UBR4: variants seen among roughly 807,000 people sequenced by gnomAD.
UBR4 encodes ubiquitin protein ligase E3 component n-recognin 4.
In UBR4, 124 loss-of-function variants were observed where a neutral mutation model predicts 575.6. The ratio of observed to expected loss-of-function variants is 0.22; its 90% confidence interval spans 0.19 to 0.25. The LOEUF (loss-of-function observed/expected upper bound fraction) is 0.25, where lower values mean the gene tolerates loss of function less well. Among genes scored for constraint, UBR4 ranks in the 10% least tolerant of loss-of-function variants. The probability of loss-of-function intolerance (pLI) is 1.00; values close to 1 mark genes in which losing one functional copy is unlikely to be tolerated. For missense variants in UBR4, 4,818 were observed against 6,478.8 expected (o/e 0.74, Z 8.80); for synonymous variants, 2,455 against 2,473.7 (o/e 0.99, Z 0.22).
intron 78 of UBR4, chr1:19,111,806 G>C (rs2079915581): frequency 6.6e-6 from 1 of 152,056 alleles, no homozygotes; most frequent in South Asian, 2.1e-4. Flanking sequence ...TTTCAGTGGA[G>C]ATGGGGTTTC....
intron 86 of UBR4, 128 bp downstream of exon 86, chr1:19,104,457 T>G: frequency 8.2e-7 from 1 of 1,213,168 alleles, no homozygotes; most frequent in Non-Finnish European, 1.1e-6. Context: ...AGAAAAAAAA[T>G]GCAGAGCTTA....
At chr1:19,086,117 TCCA>T in intron 101 of UBR4, 25 bp downstream of exon 101, 3 of 1,611,722 alleles carry the variant, frequency 1.9e-6, no homozygotes, top group Non-Finnish European at 2.5e-6. Flanking sequence ...TCCCCTCCAT[TCCA>T]CCATGAAAAA....
At chr1:19,195,967 TATACAC>T (rs1391392032) in intron 8 of UBR4, among the ~76,000 whole-genome samples, 8 of 104,508 alleles carry the variant, frequency 7.7e-5, no homozygotes, top group Non-Finnish European at 1.3e-4. Flanking sequence ...CAGACTTACT[TATACAC>T]ACACACACAC....
At chr1:19,181,042 A>G (rs536355829) in intron 17 of UBR4, among the ~76,000 whole-genome samples, 1 of 152,250 alleles carries the variant, frequency 6.6e-6, no homozygotes, top group African/African-American at 2.4e-5. Context: ...CACATTCCAA[A>G]CTATTTTCTA....
At chr1:19,146,149 A>G (rs2084839403) in intron 52 of UBR4, 11 of 1,486,890 alleles carry the variant, frequency 7.4e-6, no homozygotes, top group Non-Finnish European at 9.9e-6. Context: ...GTTAGAATTA[A>G]GTAGAACGGG....
In UBR4 at chr1:19,092,843, C is replaced by G; in HGVS notation, c.14187G>C (p.Leu4729=). 6.2e-7 allele frequency: 1 copy of G among 1,612,900 alleles called. No homozygotes were observed. The highest frequency in any genetic ancestry group is 8.5e-7 in the Non-Finnish European group (1 of 1,179,676). The part of the protein sequence containing the change: ...LPFILRLLRG[L]AIQHPGTQVL... ...CCTGGGTGCCAGGGTGCTGGATGGC[C>G]AGGCCCCGAAGCAGCCTTAGGATAA... Residue 4729 remains leucine (L), a synonymous_variant, in exon 97 of 106, where the codon CTG becomes CTC. Coordinates refer to ENST00000375254, the MANE Select transcript of UBR4 (RefSeq NM_020765.3).
At chr1:19,175,852 G>A (rs568248254) in intron 20 of UBR4, among the ~76,000 whole-genome samples, 1 of 152,142 alleles carries the variant, frequency 6.6e-6, no homozygotes, top group South Asian at 2.1e-4. Flanking sequence ...GGAGTACAGT[G>A]GCGTGATCAC....
chr1:19,108,303 T>C (rs890151799), intron 81 of UBR4, among the ~76,000 whole-genome samples: 3 of 152,206 alleles, frequency 2.0e-5, no homozygotes, highest in African/African-American at 7.2e-5. Context: ...TTATGTCAGT[T>C]CTTCTTAAAG....
chr1:19,187,338 T>C, intron 12 of UBR4, 37 bp from the exon 13 acceptor site: 1 of 1,609,296 alleles, frequency 6.2e-7, no homozygotes. Flanking sequence ...TTAATGATAC[T>C]ACTCAGCCAG....
Position 19,121,403 on chromosome 1 carries a change from G to A in UBR4, c.9927C>T (p.Phe3309=). ...CTGGGGACACGCCCTCATCCACAAG[G>A]AAACTGACTTGGAGGAGGAAGTACA... ...SVLYFLLQVS[F]LVDEGVSPVL... Residue 3309 remains phenylalanine, a synonymous_variant, in exon 68 of 106, where the codon TTC becomes TTT. Transcript: ENST00000375254. The A allele has an allele frequency of 5.0e-6, 8 of 1,614,048 alleles. No individual in the cohort carries two copies. The highest frequency in any genetic ancestry group is 4.4e-5 in the South Asian group (4 of 91,070).
In UBR4 at chr1:19,110,163, G is replaced by A; in HGVS notation, c.12038C>T (p.Thr4013Ile). 8 of 1,614,188 alleles carry A rather than the reference G, an allele frequency of 5.0e-6. No individual in the cohort carries two copies. Among genetic ancestry groups the A allele is most frequent in the Non-Finnish European group, 6.8e-6 (8 of 1,180,016 alleles). ...CTGCAAGATCCTCAGGCACATGAGG[G>A]TAATGTTTTCAACCACCACAGGAGT... ...IKTPVVVENITLMCLRILQKL... is the reference protein window; with the variant it reads ...IKTPVVVENIILMCLRILQKL... Residue 4013 changes from threonine to isoleucine, a missense_variant, in exon 81 of 106, where the codon ACC becomes ATC. Thr to Ile is a moderately conservative substitution (Grantham distance 89). Coordinates refer to ENST00000375254, the MANE Select transcript of UBR4 (RefSeq NM_020765.3). The surrounding 1 kb of genome is among the most constrained non-coding windows in gnomAD (Gnocchi z 4.5).
chr1:19,075,140 T>G, intron 105 of UBR4: 1 of 540,990 alleles, frequency 1.8e-6, no homozygotes, highest in South Asian at 2.0e-5. Flanking sequence ...TTGAATAGGG[T>G]GTGTCTGATG....
chr1:19,140,995 T>C, intron 57 of UBR4, 103 bp from the exon 58 acceptor site: 3 of 1,227,654 alleles, frequency 2.4e-6, no homozygotes, highest in Non-Finnish European at 2.3e-6. Flanking sequence ...CACCAGCATG[T>C]GACCCCCTCT....
rs747642239 is a variant in UBR4, at chr1:19,139,580, T to A, written c.8594-360A>T. Among the ~76,000 whole-genome samples, 4 of 152,246 alleles carry A rather than the reference T, an allele frequency of 2.6e-5. No homozygotes were observed. Among genetic ancestry groups the A allele is most frequent in the African/African-American group, 7.2e-5 (3 of 41,462 alleles). On this transcript the variant is annotated intron_variant, in intron 58 of 105. Transcript: ENST00000375254. The surrounding 1 kb of genome is among the most constrained non-coding windows in gnomAD (Gnocchi z 4.2). ...TGAGTTTTCTAGCTAAAATGCTTCA[T>A]GGTCACCATTGTTTAGGTGTTACTG...
At chr1:19,176,775 T>G (rs760133716) in intron 19 of UBR4, 48 bp from the exon 20 acceptor site, 5 of 1,598,938 alleles carry the variant, frequency 3.1e-6, no homozygotes, top group Non-Finnish European at 4.3e-6. Flanking sequence ...CAGTCACCAT[T>G]CAGCTTTTCA....
chr1:19,129,621 A>G (rs751570802), intron 60 of UBR4, among the ~76,000 whole-genome samples: 18 of 152,190 alleles, frequency 1.2e-4, no homozygotes, highest in Non-Finnish European at 1.9e-4. Flanking sequence ...TTCTGTTTCA[A>G]TGCCACACTG....
chr1:19,159,603 C>CT (rs35082539), intron 39 of UBR4, among the ~76,000 whole-genome samples: 1,881 of 139,688 alleles, frequency 0.013, 18 homozygotes, highest in African/African-American at 0.027. Context: ...AGCCCCACTC[C>CT]TTTTTTTTTT....
chr1:19,188,379 C>A (rs1029359011), intron 11 of UBR4, among the ~76,000 whole-genome samples: 1 of 151,750 alleles, frequency 6.6e-6, no homozygotes, highest in Non-Finnish European at 1.5e-5. Context: ...CATGGCAAGA[C>A]CCCATCTCTA....
chr1:19,124,388 T>C (rs1438729099), intron 65 of UBR4, 153 bp downstream of exon 65: 10 of 957,440 alleles, frequency 1.0e-5, no homozygotes, highest in Non-Finnish European at 1.5e-5. Context: ...TACCACACAG[T>C]ATGTTCCAGA....
Sources: allele counts gnomAD v4.1 joint callset (sites outside exome capture counted in the v4.1 genomes callset), GRCh38; gene constraint gnomAD v4.1.1; non-coding constraint Gnocchi (gnomAD v3.1); transcripts MANE v1.5; gene names NCBI Gene and HGNC (gene_info 2026-07-23, HGNC 2026-07-21).